The following WAC variants were observed in gnomAD, a reference collection of about 807,000 sequenced individuals.
WAC encodes WW domain containing adaptor with coiled-coil.
In WAC, 11 loss-of-function variants were observed where a neutral mutation model predicts 79.6. The ratio of observed to expected loss-of-function variants is 0.14; its 90% CI spans 0.09 to 0.23. The LOEUF (loss-of-function observed/expected upper bound fraction) is 0.23, where lower values mean the gene tolerates loss of function less well. Ranked by LOEUF, WAC falls within the 10% of genes least tolerant of loss-of-function variation. WAC has a pLI of 1.00. For synonymous variants in WAC, 304 were observed against 276.9 expected (o/e 1.10, Z -0.97); for missense variants, 728 against 773.5 (o/e 0.94, Z 0.70).
chr10:28,591,907 G>A (rs2132683810), intron 6 of WAC: 1 of 150,418 alleles, frequency 6.6e-6, no homozygotes, highest in Middle Eastern at 3.4e-3. Flanking sequence ...ATTTTGAGAA[G>A]AATTTCAAGA....
In WAC at chr10:28,585,587, G is replaced by A. The variant is rs372299293; in HGVS notation, c.381+2082G>A. On this transcript the variant is annotated intron_variant, in intron 4 of 13. Coordinates refer to ENST00000354911, the MANE Select transcript of WAC (RefSeq NM_016628.5). Reference sequence around the variant, plus strand: ...AGTAGGGAAGGGAGGATGAGGCCAAGTGGGGAGAAGGGGGGGCAAATCATT... The same window carrying A: ...AGTAGGGAAGGGAGGATGAGGCCAAATGGGGAGAAGGGGGGGCAAATCATT... Among the ~76,000 whole-genome samples, 6 of 151,254 alleles carry A rather than the reference G, an allele frequency of 4.0e-5. No individual in the cohort carries two copies. The South Asian group carries it at 1.3e-3, about 32-fold the overall frequency.
chr10:28,616,096 AT>A, intron 11 of WAC, 76 bp from the exon 12 acceptor site: 2 of 1,207,084 alleles, frequency 1.7e-6, no homozygotes, highest in South Asian at 3.7e-5. Context: ...AATAAAAGGT[AT>A]TAACATGCAG....
intron 3 of WAC, among the ~76,000 whole-genome samples, chr10:28,555,102 A>G (rs749910393): frequency 3.7e-4 from 56 of 152,196 alleles, no homozygotes; most frequent in Middle Eastern, 3.4e-3. Context: ...CAGTTTCCCA[A>G]TTGCCAGGCC....
rs1281998044 is a variant in WAC at position 28,621,440 on chromosome 10, T to G, written c.*1834T>G. 5 of 152,180 alleles carry G rather than the reference T, an allele frequency of 3.3e-5. No homozygotes were observed. The highest frequency in any genetic ancestry group is 5.9e-5 in the Non-Finnish European group (4 of 68,026). 9.4% of individuals were successfully genotyped at this position (152,180 alleles called of 1,614,324 possible). ...AAAAAGTTAACTGTAAGCGATAGTG[T>G]TGGTGTTTTCTAAAATACAAAAATG... On this transcript the variant is annotated 3_prime_UTR_variant, in exon 14 of 14. Transcript: ENST00000354911.
Position 28,608,366 on chromosome 10 carries a change from T to A in WAC, c.1100T>A (p.Leu367His). The A allele has an allele frequency of 1.2e-6, 2 of 1,614,028 alleles. No individual in the cohort carries two copies. Among genetic ancestry groups the A allele is most frequent in the Non-Finnish European group, 1.7e-6 (2 of 1,179,934 alleles). ...GACCCAAATCTTCTTAGACAATTGCTTCCTGCTTTGCAAGCCACGCTGCAG... is the reference window on the plus strand; with the variant it reads ...GACCCAAATCTTCTTAGACAATTGCATCCTGCTTTGCAAGCCACGCTGCAG... ...LQDPNLLRQLLPALQATLQLN... is the reference protein window; with the variant it reads ...LQDPNLLRQLHPALQATLQLN... The change falls in exon 8 of 14, where the codon CTT (leucine) becomes CAT (histidine). Residue 367 changes from leucine to histidine, a missense_variant. Leu to His is a moderately conservative substitution (Grantham distance 99). Transcript: ENST00000354911.
chr10:28,540,353 A>G (rs1196548433), intron 3 of WAC, among the ~76,000 whole-genome samples: 1 of 152,166 alleles, frequency 6.6e-6, no homozygotes, highest in African/African-American at 2.4e-5. Flanking sequence ...TTGAAAGCTT[A>G]TTTGGTGGTG....
intron 6 of WAC, chr10:28,591,253 G>GT (rs1006307827): frequency 1.8e-5 from 3 of 163,472 alleles, no homozygotes; most frequent in African/African-American, 4.8e-5. Context: ...ATAGCTACTT[G>GT]TTTTTTTATG....
chr10:28,555,220 C>T (rs562597899), intron 3 of WAC, among the ~76,000 whole-genome samples: 1 of 152,128 alleles, frequency 6.6e-6, no homozygotes, highest in Non-Finnish European at 1.5e-5. Flanking sequence ...TCAAAACCCT[C>T]TCAGATGTCC....
At chr10:28,535,263 A>T (rs1373264123) in intron 2 of WAC, 1 of 217,884 alleles carries the variant, frequency 4.6e-6, no homozygotes, top group Non-Finnish European at 8.9e-6. Flanking sequence ...AATGATTCTA[A>T]ATATTCTCAG....
intron 3 of WAC, among the ~76,000 whole-genome samples, chr10:28,550,798 C>T (rs1214028845): frequency 6.6e-6 from 1 of 152,138 alleles, no homozygotes. Context: ...AATGTGTGAA[C>T]TGTAAGCATA....
intron 3 of WAC, among the ~76,000 whole-genome samples, chr10:28,538,106 T>G (rs1836780815): frequency 6.6e-6 from 1 of 152,218 alleles, no homozygotes; most frequent in African/African-American, 2.4e-5. Context: ...ATCTTTGATA[T>G]TCTCTCTTCA....
rs531553948 is a variant in WAC at position 28,608,046 on chromosome 10, A to G, written c.920-140A>G. On this transcript the variant is annotated intron_variant, in intron 7 of 13. Transcript: ENST00000354911. ...CTAGTCATGTGAATGTTTACTGAGC[A>G]TCTTCTGTGTGCTCCAGTGTGTAAG... The G allele has an allele frequency of 8.2e-6, 7 of 858,328 alleles. No individual in the cohort carries two copies. In the East Asian group the frequency reaches 1.2e-4, roughly 15 times the overall value. The allele number at this position is 858,328 out of a possible 1,614,324, so 53.2% of individuals were successfully genotyped here. A position where few individuals can be genotyped will look rare whatever the true frequency, so the allele number is the denominator to read the frequency against.
chr10:28,564,435 G>C (rs977283614), intron 3 of WAC, among the ~76,000 whole-genome samples: 19 of 152,338 alleles, frequency 1.2e-4, no homozygotes, highest in African/African-American at 4.1e-4. Context: ...ATGGTGGTTA[G>C]AGGAGTAGTG....
At chr10:28,598,597 A>G (rs1840491198) in intron 7 of WAC, among the ~76,000 whole-genome samples, 1 of 152,164 alleles carries the variant, frequency 6.6e-6, no homozygotes, top group African/African-American at 2.4e-5. Flanking sequence ...TTAAAACAAC[A>G]CTGGTGAGGG....
rs757691565 is a variant in WAC, at chr10:28,617,695, T to G, written c.1785T>G (p.Thr595=). 1 of 1,596,354 alleles carries G rather than the reference T, an allele frequency of 6.3e-7. No homozygotes were observed. The highest frequency in any genetic ancestry group is 1.2e-5 in the South Asian group (1 of 84,620). The change falls in exon 13 of 14, where the codon ACT becomes ACG. Residue 595 remains threonine (T), a synonymous_variant. Coordinates refer to ENST00000354911, the MANE Select transcript of WAC (RefSeq NM_016628.5). ...RLREEAHNMG[T]IHMSEICTEL... The stretch of plus-strand genomic sequence containing the variant: ...GCGAAGAAGCGCATAACATGGGAAC[T>G]ATTCACATGTCCGAAATTTGTACTG...
intron 7 of WAC, among the ~76,000 whole-genome samples, chr10:28,604,231 A>G (rs930692914): frequency 6.7e-6 from 1 of 149,562 alleles, no homozygotes; most frequent in African/African-American, 2.5e-5. Context: ...TCCCAGCATT[A>G]TCAGGTGTTT....
chr10:28,591,616 C>T (rs1840085891), intron 6 of WAC: 1 of 152,272 alleles, frequency 6.6e-6, no homozygotes, highest in Non-Finnish European at 1.5e-5. Context: ...AATCCCAGCC[C>T]TTTGGGAGGC....
chr10:28,612,901 G>T (rs1476796933), intron 10 of WAC, among the ~76,000 whole-genome samples: 1 of 152,166 alleles, frequency 6.6e-6, no homozygotes, highest in Non-Finnish European at 1.5e-5. Context: ...TCTTCAGGGT[G>T]GCATTTTAAG....
chr10:28,546,911 C>A (rs1178948600), intron 3 of WAC, among the ~76,000 whole-genome samples: 1 of 150,650 alleles, frequency 6.6e-6, no homozygotes, highest in East Asian at 2.0e-4. Flanking sequence ...TTTTAAAAAT[C>A]TAAATGAATC....
Sources: gnomAD v4.1 joint callset for allele counts (sites outside exome capture counted in the v4.1 genomes callset) on GRCh38, gnomAD v4.1.1 for gene constraint, MANE v1.5 for transcripts, NCBI Gene and HGNC (gene_info 2026-07-23, HGNC 2026-07-21) for gene names.